Variants in CNOT2 observed in about 807,000 individuals in gnomAD.
CNOT2 encodes CCR4-NOT transcription complex subunit 2.
A neutral mutation model predicts 72.1 loss-of-function variants in CNOT2; 7 were observed. The observed-to-expected ratio is 0.10, with a 90% CI of 0.06 to 0.18. CNOT2 has a LOEUF of 0.18. Among genes scored for constraint, CNOT2 ranks in the 10% least tolerant of loss-of-function variants. The probability of loss-of-function intolerance (pLI) is 1.00; values close to 1 mark genes in which losing one functional copy is unlikely to be tolerated. For missense variants in CNOT2, 345 were observed against 660.3 expected, an observed-to-expected ratio of 0.52 and a Z score of 5.23; for synonymous variants, 196 against 225.6, an observed-to-expected ratio of 0.87 and a Z score of 1.17.
chr12:70,268,619 T>TA (rs199622014), intron 1 of CNOT2, among the ~76,000 whole-genome samples: 92 of 146,602 alleles, frequency 6.3e-4, no homozygotes, highest in African/African-American at 2.1e-3. Context: ...TCAGCTTATT[T>TA]AAAAAAAATT....
In CNOT2 at chr12:70,280,803, T is replaced by C. The variant is rs975071141; in HGVS notation, c.48+2529T>C. Among the ~76,000 whole-genome samples, 4 of 152,312 alleles carry C rather than the reference T, an allele frequency of 2.6e-5. No individual in the cohort carries two copies. In the East Asian group the frequency reaches 7.7e-4, roughly 29 times the overall value. On this transcript the variant is annotated intron_variant, in intron 2 of 15. Transcript: ENST00000229195. Reference sequence around the variant, plus strand: ...TATCTACTTTGTGTGTTTTCTTTCTTACTATAAGTTTAAGCCCAGTTAGGT... The same window carrying C: ...TATCTACTTTGTGTGTTTTCTTTCTCACTATAAGTTTAAGCCCAGTTAGGT...
At chr12:70,252,419 T>C (rs1958184683) in intron 1 of CNOT2, among the ~76,000 whole-genome samples, 1 of 152,172 alleles carries the variant, frequency 6.6e-6, no homozygotes, top group Non-Finnish European at 1.5e-5. Context: ...ACTCCTGCGC[T>C]CAAGCCATCT....
intron 2 of CNOT2, among the ~76,000 whole-genome samples, chr12:70,284,128 T>C (rs915352634): frequency 1.1e-4 from 16 of 151,874 alleles, no homozygotes; most frequent in African/African-American, 3.9e-4. Context: ...TGTTTTTTGG[T>C]AGAGACAGAG....
At chr12:70,301,092 G>A (rs904419118) in intron 2 of CNOT2, among the ~76,000 whole-genome samples, 58 of 152,300 alleles carry the variant, frequency 3.8e-4, no homozygotes, top group African/African-American at 1.3e-3. Context: ...CTTTGCTGAA[G>A]TTGATTATCA....
chr12:70,316,360 T>G (rs1437943611), intron 3 of CNOT2, among the ~76,000 whole-genome samples: 2 of 152,210 alleles, frequency 1.3e-5, no homozygotes, highest in African/African-American at 4.8e-5. Context: ...TTCTTGTGCA[T>G]TTTCTATACT....
At chr12:70,280,056 C>G (rs896817429) in intron 2 of CNOT2, among the ~76,000 whole-genome samples, 1 of 151,954 alleles carries the variant, frequency 6.6e-6, no homozygotes, top group African/African-American at 2.4e-5. Context: ...TATAGAATGT[C>G]TATATAAGAA....
chr12:70,289,422 C>T (rs897129792), intron 2 of CNOT2, among the ~76,000 whole-genome samples: 33 of 151,806 alleles, frequency 2.2e-4, no homozygotes, highest in African/African-American at 7.5e-4. Flanking sequence ...AGGTCTATGT[C>T]GGTATAATTT....
At position 70,253,949 on chromosome 12, in the gene CNOT2, A is replaced by G. The variant is rs536695040; in HGVS notation, c.-96+10469A>G. 2.0e-5 allele frequency among the ~76,000 whole-genome samples: 3 copies of G among 152,264 alleles called. No individual in the cohort carries two copies. The South Asian group carries it at 6.2e-4, about 32-fold the overall frequency. On this transcript the variant is annotated intron_variant, in intron 1 of 15. Coordinates refer to ENST00000229195, the MANE Select transcript of CNOT2 (RefSeq NM_014515.7). The stretch of plus-strand genomic sequence containing the variant: ...AAGAGATGAGCAACAATAGCTAATA[A>G]TAAAATAGGCCAGGCGCAGTGGCTC...
chr12:70,277,821 G>T (rs762556090), intron 1 of CNOT2, among the ~76,000 whole-genome samples: 1 of 152,116 alleles, frequency 6.6e-6, no homozygotes, highest in Non-Finnish European at 1.5e-5. Flanking sequence ...TATGTCAGTT[G>T]TGGGAGGGGT....
At chr12:70,246,800 A>G (rs897721581) in intron 1 of CNOT2, among the ~76,000 whole-genome samples, 1 of 152,084 alleles carries the variant, frequency 6.6e-6, no homozygotes, top group Non-Finnish European at 1.5e-5. Context: ...TGGTTTGTTC[A>G]TTTATTTTCT....
chr12:70,327,655 T>A (rs1879294377), intron 4 of CNOT2: 1 of 151,814 alleles, frequency 6.6e-6, no homozygotes, highest in African/African-American at 2.4e-5. Context: ...TGAGGAAAAT[T>A]TGCAGCTATA....
chr12:70,247,272 C>A (rs1018832419), intron 1 of CNOT2, among the ~76,000 whole-genome samples: 4 of 151,866 alleles, frequency 2.6e-5, no homozygotes, highest in Non-Finnish European at 4.4e-5. Context: ...TCAAGCGGTT[C>A]TCCTGCCTCA....
rs534861063 is a variant in CNOT2, at chr12:70,326,953, G to T, written c.239-2470G>T. Among the ~76,000 whole-genome samples the T allele has an allele frequency of 3.9e-5, 6 of 151,902 alleles. No homozygotes were observed. The East Asian group carries it at 9.7e-4, about 25-fold the overall frequency. ...AGTTCAAGGATGCCAATCCCTAATT[G>T]GCCAAATAGCCTTACCATTCTTGTT... On this transcript the variant is annotated intron_variant, in intron 4 of 15. Coordinates refer to ENST00000229195, the MANE Select transcript of CNOT2 (RefSeq NM_014515.7).
At chr12:70,299,213 A>T (rs1244360191) in intron 2 of CNOT2, among the ~76,000 whole-genome samples, 3 of 149,850 alleles carry the variant, frequency 2.0e-5, no homozygotes, top group Non-Finnish European at 3.0e-5. Flanking sequence ...CATGAGACTT[A>T]TTTTTTTTTT....
intron 2 of CNOT2, among the ~76,000 whole-genome samples, chr12:70,305,856 T>C (rs925402604): frequency 6.6e-6 from 1 of 150,746 alleles, no homozygotes; most frequent in Non-Finnish European, 1.5e-5. Flanking sequence ...AGTTCTTGGT[T>C]ATTTTATCTG....
At chr12:70,273,402 T>C (rs1868322971) in intron 1 of CNOT2, among the ~76,000 whole-genome samples, 1 of 152,162 alleles carries the variant, frequency 6.6e-6, no homozygotes. Context: ...ATATCTACCA[T>C]ACTCTCTTTG....
chr12:70,348,661 T>C (rs12316495), intron 15 of CNOT2, among the ~76,000 whole-genome samples: 121 of 152,250 alleles, frequency 7.9e-4, no homozygotes, highest in African/African-American at 2.7e-3. Flanking sequence ...GTTAGATATA[T>C]GTATGAAGAA....
At chr12:70,350,608 G>A (rs1029763687) in intron 15 of CNOT2, among the ~76,000 whole-genome samples, 1 of 152,150 alleles carries the variant, frequency 6.6e-6, no homozygotes, top group Non-Finnish European at 1.5e-5. Flanking sequence ...CTTTCTGATG[G>A]TTCAGTGTAC....
intron 1 of CNOT2, among the ~76,000 whole-genome samples, chr12:70,276,191 A>G (rs746823505): frequency 1.3e-5 from 2 of 151,974 alleles, no homozygotes; most frequent in Non-Finnish European, 2.9e-5. Flanking sequence ...ATTAATACGT[A>G]TTGTTGTGGT....
Sources: allele counts gnomAD v4.1 joint callset (sites outside exome capture counted in the v4.1 genomes callset), GRCh38; gene constraint gnomAD v4.1.1; transcripts MANE v1.5; gene names NCBI Gene and HGNC (gene_info 2026-07-23, HGNC 2026-07-21).